The following ELAVL2 variants were observed in gnomAD, a reference collection of about 807,000 sequenced individuals.
ELAVL2 encodes ELAV-like protein 2.
In ELAVL2, 4 loss-of-function variants were observed where a neutral mutation model predicts 34.6. The ratio of observed to expected loss-of-function variants is 0.12; its 90% CI spans 0.06 to 0.26. The LOEUF (loss-of-function observed/expected upper bound fraction) is 0.26, where lower values mean the gene tolerates loss of function less well. Ranked by LOEUF, ELAVL2 falls within the 10% of genes least tolerant of loss-of-function variation. The pLI, the probability that ELAVL2 is intolerant of heterozygous loss-of-function variation, is 1.00. For missense variants in ELAVL2, 432 were observed against 442.8 expected, an observed-to-expected ratio of 0.98 and a Z score of 0.22; for synonymous variants, 193 against 154.8, an observed-to-expected ratio of 1.25 and a Z score of -1.83.
intron 3 of ELAVL2, among the ~76,000 whole-genome samples, chr9:23,717,144 GCTTTGCAACAAT>G: frequency 6.6e-6 from 1 of 152,122 alleles, no homozygotes; most frequent in African/African-American, 2.4e-5. Flanking sequence ...AAGAAAAACT[GCTTTGCAACAAT>G]GTTCAGAAAC....
rs539127788 is a variant in ELAVL2 at position 23,741,829 on chromosome 9, A to G, written c.230-10704T>C. Among the ~76,000 whole-genome samples, 3 of 152,322 alleles carry G rather than the reference A, an allele frequency of 2.0e-5. 1 individual carries two copies. The highest frequency in any genetic ancestry group is 7.2e-5 in the African/African-American group (3 of 41,582). ...ATTTTTAAATTGAAGATGGTACTTT[A>G]GAATACTAGTTTGCCATCTTCTCAG... is the stretch of plus-strand genomic sequence containing the variant. On this transcript the variant is annotated intron_variant, in intron 2 of 6. Transcript: ENST00000397312.
Position 23,724,873 on chromosome 9 carries a change from A to T in ELAVL2, c.333+6149T>A, listed in dbSNP as rs113981123. 2.3e-4 allele frequency among the ~76,000 whole-genome samples: 35 copies of T among 152,134 alleles called. 3 individuals carry two copies. The highest frequency in any genetic ancestry group is 8.2e-4 in the African/African-American group (34 of 41,494). On this transcript the variant is annotated intron_variant, in intron 3 of 6. Transcript: ENST00000397312. ...CCCCACTCCTGGCATATACTTTTTC[A>T]ATTTTTTTTTTGTCTGGATAAATAA...
intron 5 of ELAVL2, among the ~76,000 whole-genome samples, chr9:23,696,312 T>A (rs1322238253): frequency 6.6e-6 from 1 of 152,046 alleles, no homozygotes; most frequent in Non-Finnish European, 1.5e-5. Context: ...GTGCTCTACA[T>A]GGGCACCATT....
At chr9:23,739,903 A>C (rs1302137949) in intron 2 of ELAVL2, among the ~76,000 whole-genome samples, 1 of 152,124 alleles carries the variant, frequency 6.6e-6, no homozygotes, top group Non-Finnish European at 1.5e-5. Context: ...ACAAGAAACA[A>C]AAAATTTAAA....
At chr9:23,724,884 T>G (rs190883608) in intron 3 of ELAVL2, among the ~76,000 whole-genome samples, 12 of 152,268 alleles carry the variant, frequency 7.9e-5, no homozygotes, top group Middle Eastern at 3.4e-3. Context: ...ATTTTTTTTT[T>G]GTCTGGATAA....
chr9:23,715,161 A>AG (rs1268226896), intron 3 of ELAVL2, among the ~76,000 whole-genome samples: 1 of 152,160 alleles, frequency 6.6e-6, no homozygotes, highest in South Asian at 2.1e-4. Context: ...GGCCTTGTGC[A>AG]GGAGGTTTTT....
intron 1 of ELAVL2, among the ~76,000 whole-genome samples, chr9:23,801,058 G>A (rs2061510248): frequency 6.6e-6 from 1 of 152,146 alleles, no homozygotes; most frequent in Non-Finnish European, 1.5e-5. Flanking sequence ...TACAGCAACT[G>A]TCCTTCGTCT....
At chr9:23,756,559 AAC>A (rs146842807) in intron 2 of ELAVL2, among the ~76,000 whole-genome samples, 60 of 151,340 alleles carry the variant, frequency 4.0e-4, no homozygotes, top group African/African-American at 1.1e-3. Flanking sequence ...ATTACACTTA[AAC>A]ACACACACAC....
intron 1 of ELAVL2, among the ~76,000 whole-genome samples, chr9:23,786,440 C>T (rs2059691063): frequency 6.6e-6 from 1 of 151,924 alleles, no homozygotes; most frequent in African/African-American, 2.4e-5. Context: ...ATGACAACAA[C>T]CCAAAGGTGA....
In ELAVL2 at chr9:23,732,958, TTAAA is replaced by T. The variant is rs2046946105; in HGVS notation, c.230-1837_230-1834del. On this transcript the variant is annotated intron_variant, in intron 2 of 6. Coordinates refer to ENST00000397312, the MANE Select transcript of ELAVL2 (RefSeq NM_004432.5). ...AGATTTTAAGTATATTCATTTAAAG[TTAAA>T]TAAAAAAGATGCCACAAATATAACA... is the stretch of plus-strand genomic sequence containing the variant. Among the ~76,000 whole-genome samples, 3 of 151,708 alleles carry T rather than the reference TTAAA, an allele frequency of 2.0e-5. No individual in the cohort carries two copies. In the South Asian group the frequency reaches 6.2e-4, roughly 31 times the overall value.
At position 23,691,039 on chromosome 9, in the gene ELAVL2, A is replaced by G. The variant is rs2032997329; in HGVS notation, c.*1518T>C. On this transcript the variant is annotated 3_prime_UTR_variant, in exon 7 of 7. Transcript: ENST00000397312. The stretch of plus-strand genomic sequence containing the variant: ...TTATACTCATTTTTTTATACCACAA[A>G]CATATTTATAAACCAAAATGTAGCA... 6.6e-6 allele frequency: 1 copy of G among 152,576 alleles called. No individual in the cohort carries two copies. The highest frequency in any genetic ancestry group is 6.5e-5 in the Admixed American group (1 of 15,268). 9.5% of individuals were successfully genotyped at this position (152,576 alleles called of 1,614,324 possible).
At chr9:23,842,500 C>T in the ELAVL2 span, among the ~76,000 whole-genome samples, 1 of 152,120 alleles carries the variant, frequency 6.6e-6, no homozygotes, top group African/African-American at 2.4e-5. Context: ...TGACCTGAAG[C>T]ACCCTTGATA....
At chr9:23,733,515 G>C (rs1005000394) in intron 2 of ELAVL2, among the ~76,000 whole-genome samples, 1 of 152,174 alleles carries the variant, frequency 6.6e-6, no homozygotes, top group African/African-American at 2.4e-5. Flanking sequence ...GAAAGGTCTT[G>C]CAGGGATGAC....
At chr9:23,761,843 G>GA (rs1460518674) in intron 2 of ELAVL2, among the ~76,000 whole-genome samples, 163 bp downstream of exon 2, 3 of 151,836 alleles carry the variant, frequency 2.0e-5, no homozygotes, top group Non-Finnish European at 4.4e-5. Flanking sequence ...GATTTAAAAA[G>GA]AAAATTTTAA....
At position 23,819,365 on chromosome 9, in the gene ELAVL2, C is replaced by T. The variant is rs796071182; in HGVS notation, c.-16+6441G>A. Among the ~76,000 whole-genome samples, 12 of 152,164 alleles carry T rather than the reference C, an allele frequency of 7.9e-5. 1 individual carries two copies. The highest frequency in any genetic ancestry group is 2.9e-4 in the African/African-American group (12 of 41,522). On this transcript the variant is annotated intron_variant, in intron 1 of 6. Coordinates refer to ENST00000397312, the MANE Select transcript of ELAVL2 (RefSeq NM_004432.5). ...CCAAAAAAACTAAATCAGAGAGGATCTATAAAAACACATCTTAGGCCTAGA... is the reference window on the plus strand; with the variant it reads ...CCAAAAAAACTAAATCAGAGAGGATTTATAAAAACACATCTTAGGCCTAGA...
intron 2 of ELAVL2, among the ~76,000 whole-genome samples, chr9:23,731,859 A>C (rs571806945): frequency 3.4e-4 from 52 of 152,254 alleles, no homozygotes; most frequent in Middle Eastern, 3.4e-3. Context: ...AGTTGCTTCT[A>C]AGTGTTTGTT....
At chr9:23,822,197 A>G (rs1411404284) in intron 1 of ELAVL2, among the ~76,000 whole-genome samples, 1 of 152,092 alleles carries the variant, frequency 6.6e-6, no homozygotes. Context: ...ATTTATAAAT[A>G]TATATAAGTA....
chr9:23,795,605 C>T (rs1218139770), intron 1 of ELAVL2, among the ~76,000 whole-genome samples: 2 of 152,056 alleles, frequency 1.3e-5, no homozygotes, highest in African/African-American at 4.8e-5. Flanking sequence ...GAAAATACTA[C>T]GTCCATAGTC....
intron 3 of ELAVL2, among the ~76,000 whole-genome samples, chr9:23,718,634 G>C (rs1370395650): frequency 6.6e-6 from 1 of 152,162 alleles, no homozygotes; most frequent in African/African-American, 2.4e-5. Context: ...CCTCCCCACA[G>C]AGCCAAAGGA....
Sources: gnomAD v4.1 joint callset for allele counts (sites outside exome capture counted in the v4.1 genomes callset) on GRCh38, gnomAD v4.1.1 for gene constraint, MANE v1.5 for transcripts, NCBI Gene and HGNC (gene_info 2026-07-23, HGNC 2026-07-21) for gene names.